The following PALM2AKAP2 variants were observed in gnomAD, a reference collection of about 807,000 sequenced individuals.
PALM2AKAP2 encodes PALM2 and AKAP2 fusion, also known as PALM2-AKAP2 fusion protein.
A neutral mutation model predicts 71.5 loss-of-function variants in PALM2AKAP2; 37 were observed. The observed-to-expected ratio is 0.52, with a 90% CI of 0.40 to 0.68. PALM2AKAP2 has a LOEUF of 0.68. Among genes scored for constraint, PALM2AKAP2 ranks in the 30% least tolerant of loss-of-function variants. The pLI is 0.00. For missense variants in PALM2AKAP2, 1,224 were observed against 1,191.8 expected (o/e 1.03, Z -0.40); for synonymous variants, 468 against 478.8 (o/e 0.98, Z 0.29).
chr9:109,730,183 G>A (rs937277557), intron 1 of PALM2AKAP2, among the ~76,000 whole-genome samples: 2 of 152,192 alleles, frequency 1.3e-5, no homozygotes, highest in African/African-American at 4.8e-5. Context: ...ATGCACAAGG[G>A]AATGGAGACA....
At chr9:109,949,615 G>A (rs1831588948) in intron 6 of PALM2AKAP2, among the ~76,000 whole-genome samples, 1 of 152,126 alleles carries the variant, frequency 6.6e-6, no homozygotes, top group Non-Finnish European at 1.5e-5. Context: ...GCCAAGCCTT[G>A]GGGGCATGAA....
At chr9:110,138,683 C>G (rs1835958266) in intron 2 of PALM2AKAP2, 144 bp downstream of exon 8, 1 of 1,426,776 alleles carries the variant, frequency 7.0e-7, no homozygotes, top group African/African-American at 1.4e-5. Flanking sequence ...TTCCAGCATA[C>G]AGGGACATGC....
At chr9:110,012,051 T>C (rs769921925) in intron 6 of PALM2AKAP2, among the ~76,000 whole-genome samples, 1 of 152,172 alleles carries the variant, frequency 6.6e-6, no homozygotes, top group Non-Finnish European at 1.5e-5. Flanking sequence ...TCCCAACACT[T>C]TGGGAGACTG....
chr9:110,138,100 G>A (rs1258264364), exon 2 of PALM2AKAP2: 1 of 1,614,178 alleles, frequency 6.2e-7, no homozygotes, highest in Admixed American at 1.7e-5. Flanking sequence ...AAAAGCCTCA[G>A]AGCATGTTTG....
chr9:109,667,119 A>G (rs1166886223), intron 1 of PALM2AKAP2, among the ~76,000 whole-genome samples: 2 of 152,186 alleles, frequency 1.3e-5, no homozygotes, highest in Non-Finnish European at 2.9e-5. Flanking sequence ...CCATGCTCGT[A>G]TTCTGAGCCA....
At chr9:109,962,580 C>T (rs1174396540) in intron 6 of PALM2AKAP2, among the ~76,000 whole-genome samples, 1 of 152,056 alleles carries the variant, frequency 6.6e-6, no homozygotes, top group African/African-American at 2.4e-5. Flanking sequence ...CTCAAAATCT[C>T]ATTCCTATTC....
At chr9:109,797,111 T>G (rs13289532) in intron 1 of PALM2AKAP2, among the ~76,000 whole-genome samples, 27,197 of 152,158 alleles carry the variant, frequency 0.18, 2,840 homozygotes, top group East Asian at 0.34. Flanking sequence ...TGCTACCTCT[T>G]TTACCTTCTT....
rs1564114869 is a variant in PALM2AKAP2, at chr9:109,691,875, C to CATATATATATATATATAT, written c.5+51010_5+51011insTATATATATATATATATA. Among the ~76,000 whole-genome samples, 2 of 55,260 alleles carry CATATATATATATATATAT rather than the reference C, an allele frequency of 3.6e-5. 1 individual carries two copies. The highest frequency in any genetic ancestry group is 1.0e-3 in the East Asian group (2 of 1,928). The allele number at this position is 55,260 out of a possible 152,430, so 36.3% of individuals were successfully genotyped here. On this transcript the variant is annotated intron_variant, in intron 1 of 6. Coordinates refer to the PALM2AKAP2 transcript ENST00000374531. ...ATATATATATATATATATACACACA[C>CATATATATATATATATAT]ACACACATATATATATATATATATA... is the stretch of plus-strand genomic sequence containing the variant.
chr9:109,645,409 G>A (rs922893507), intron 1 of PALM2AKAP2, among the ~76,000 whole-genome samples: 2 of 152,158 alleles, frequency 1.3e-5, no homozygotes, highest in African/African-American at 2.4e-5. Flanking sequence ...GCTACAAGAC[G>A]AGATTTGGGT....
chr9:109,759,695 C>T (rs1022169081), intron 1 of PALM2AKAP2, among the ~76,000 whole-genome samples: 4 of 152,060 alleles, frequency 2.6e-5, no homozygotes, highest in East Asian at 1.9e-4. Context: ...TTTCTCTGGA[C>T]GGATGTTGTT....
intron 6 of PALM2AKAP2, among the ~76,000 whole-genome samples, chr9:110,004,655 T>C (rs1355410556): frequency 6.6e-6 from 1 of 152,204 alleles, no homozygotes; most frequent in Admixed American, 6.6e-5. Context: ...TCCCTGTCAC[T>C]TTCAGGTACA....
exon 4 of PALM2AKAP2, chr9:110,171,221 TGAA>T (rs1836851998): frequency 6.6e-6 from 1 of 152,262 alleles, no homozygotes; most frequent in Admixed American, 6.5e-5. Context: ...TAGAGGCAGA[TGAA>T]GTGGTCTTTG....
intron 1 of PALM2AKAP2, among the ~76,000 whole-genome samples, chr9:109,744,046 G>A (rs550748377): frequency 2.6e-5 from 4 of 152,130 alleles, no homozygotes; most frequent in Non-Finnish European, 5.9e-5. Context: ...ATGTGAAATG[G>A]ATAAAATCTG....
chr9:110,156,242 T>C, intron 2 of PALM2AKAP2, 77 bp from the exon 9 acceptor site: 1 of 1,468,822 alleles, frequency 6.8e-7, no homozygotes, highest in Non-Finnish European at 9.0e-7. Flanking sequence ...TGTTGCTCTT[T>C]TATTTGCCAG....
At chr9:109,905,066 AT>A (rs1254768264) in intron 3 of PALM2AKAP2, among the ~76,000 whole-genome samples, 3 of 152,236 alleles carry the variant, frequency 2.0e-5, no homozygotes, top group African/African-American at 7.2e-5. Context: ...CTCACAGAAC[AT>A]TTTGGATTTG....
At chr9:110,045,166 C>T (rs768867613), upstream of PALM2AKAP2, among the ~76,000 whole-genome samples, 2 of 152,080 alleles carry the variant, frequency 1.3e-5, no homozygotes, top group Non-Finnish European at 2.9e-5. Context: ...AAATCTTCAT[C>T]TCCTCTCCCC....
chr9:110,136,939 T>A, exon 2 of PALM2AKAP2: 1 of 1,614,016 alleles, frequency 6.2e-7, no homozygotes, highest in South Asian at 1.1e-5. Flanking sequence ...TCAAGAAGAA[T>A]CCTGGCATTG....
chr9:109,855,755 T>G (rs761417968), intron 1 of PALM2AKAP2, among the ~76,000 whole-genome samples: 4 of 152,192 alleles, frequency 2.6e-5, no homozygotes, highest in Admixed American at 6.5e-5. Context: ...TCTTTCCTTA[T>G]AGACAAGTGG....
intron 3 of PALM2AKAP2, among the ~76,000 whole-genome samples, chr9:109,902,721 T>C (rs571110957): frequency 1.3e-5 from 2 of 152,378 alleles, no homozygotes; most frequent in South Asian, 4.1e-4. Context: ...AGAGTCTAAC[T>C]GTCAGTTTCC....
Sources: allele counts gnomAD v4.1 joint callset (sites outside exome capture counted in the v4.1 genomes callset), GRCh38; gene constraint gnomAD v4.1.1; transcripts MANE v1.5; gene names NCBI Gene and HGNC (gene_info 2026-07-23, HGNC 2026-07-21).